The following WDPCP variants were observed in gnomAD, a reference collection of about 807,000 sequenced individuals.
WDPCP encodes WD repeat containing planar cell polarity effector, also known as WD repeat-containing and planar cell polarity effector protein fritz homolog.
A neutral mutation model predicts 93.1 loss-of-function variants in WDPCP; 71 were observed. That is an observed-to-expected ratio of 0.76 (90% confidence interval 0.63 to 0.93). WDPCP has a LOEUF of 0.93. WDPCP is among the 40% of genes least tolerant of loss of function. The pLI is 0.00. For missense variants in WDPCP, 844 were observed against 887.4 expected, an observed-to-expected ratio of 0.95 and a Z score of 0.62; for synonymous variants, 315 against 315.0, an observed-to-expected ratio of 1.00 and a Z score of 0.00.
In WDPCP at chr2:63,127,909, C is replaced by T. The variant is rs190512005; in HGVS notation, c.2191-5853G>A. 9.8e-4 allele frequency among the ~76,000 whole-genome samples: 149 copies of T among 151,936 alleles called. 3 individuals are homozygous for T. In the East Asian group the frequency reaches 0.017, roughly 18 times the overall value. ...AATCCCAGCACTTGGGAGGTCAAGG[C>T]GGCTGGATCACTTCAGGTCAGAAGT... On this transcript the variant is annotated intron_variant, in intron 17 of 17. Transcript: ENST00000272321.
At chr2:63,544,722 T>C (rs953619470) in intron 1 of WDPCP, among the ~76,000 whole-genome samples, 1 of 152,132 alleles carries the variant, frequency 6.6e-6, no homozygotes, top group South Asian at 2.1e-4. Context: ...TTAAAAGCTG[T>C]ATATAAGGAA....
chr2:63,242,157 T>C (rs1158394450), intron 14 of WDPCP, among the ~76,000 whole-genome samples: 2 of 152,206 alleles, frequency 1.3e-5, no homozygotes, highest in Non-Finnish European at 2.9e-5. Context: ...TCTCTAATGT[T>C]ACCCATTTAA....
At chr2:63,834,335 C>T in the WDPCP span, among the ~76,000 whole-genome samples, 71 of 152,318 alleles carry the variant, frequency 4.7e-4, no homozygotes, top group Non-Finnish European at 2.4e-4. Flanking sequence ...AAGTTGCTGA[C>T]CTCTTAACAT....
chr2:63,131,218 G>A (rs764743394), intron 17 of WDPCP, among the ~76,000 whole-genome samples: 1 of 152,048 alleles, frequency 6.6e-6, no homozygotes, highest in Non-Finnish European at 1.5e-5. Context: ...ACTATTGCTG[G>A]TTTGTCACCT....
intron 14 of WDPCP, among the ~76,000 whole-genome samples, chr2:63,236,768 C>T (rs1320909275): frequency 6.6e-6 from 1 of 152,088 alleles, no homozygotes; most frequent in Non-Finnish European, 1.5e-5. Context: ...GGAAAATAGG[C>T]TAGCCATATG....
At chr2:63,391,539 G>C (rs1476842287) in intron 10 of WDPCP, among the ~76,000 whole-genome samples, 1 of 152,064 alleles carries the variant, frequency 6.6e-6, no homozygotes, top group Non-Finnish European at 1.5e-5. Context: ...TTCTGGCTAG[G>C]GCAATCAGGC....
intron 3 of WDPCP, among the ~76,000 whole-genome samples, chr2:63,614,226 C>T (rs905899091): frequency 1.3e-5 from 2 of 152,146 alleles, no homozygotes; most frequent in African/African-American, 4.8e-5. Context: ...ATTTTTAAAC[C>T]TCAACCATCT....
chr2:63,219,262 T>C (rs1176654646), intron 14 of WDPCP, among the ~76,000 whole-genome samples: 1 of 152,168 alleles, frequency 6.6e-6, no homozygotes, highest in Non-Finnish European at 1.5e-5. Flanking sequence ...TGAATGACAG[T>C]TTACAATTTA....
At position 63,562,239 on chromosome 2, in the gene WDPCP, A is replaced by C. The variant is rs141649598; in HGVS notation, c.75+25958T>G. Among the ~76,000 whole-genome samples the C allele has an allele frequency of 3.1e-3, 470 of 152,326 alleles. 4 individuals are homozygous for C. The highest frequency in any genetic ancestry group is 0.01 in the African/African-American group (436 of 41,572). ...TTGCAGGGACATGGATGAAGCCAGA[A>C]GCCATTATCCTCAGCAAACTAACAC... On this transcript the variant is annotated intron_variant, in intron 1 of 17. Transcript: ENST00000272321.
chr2:63,195,880 T>G (rs550899743), intron 14 of WDPCP, among the ~76,000 whole-genome samples: 1 of 152,276 alleles, frequency 6.6e-6, no homozygotes, highest in South Asian at 2.1e-4. Context: ...TTAACAAATA[T>G]AAAGATTGAA....
chr2:63,473,892 A>T (rs979286788), intron 6 of WDPCP, among the ~76,000 whole-genome samples: 1 of 152,172 alleles, frequency 6.6e-6, no homozygotes, highest in African/African-American at 2.4e-5. Flanking sequence ...GAAAAACAGT[A>T]TGATATACAG....
chr2:63,578,332 T>G (rs1316071779), intron 1 of WDPCP, among the ~76,000 whole-genome samples: 1 of 152,184 alleles, frequency 6.6e-6, no homozygotes, highest in African/African-American at 2.4e-5. Flanking sequence ...TTAGCTTATA[T>G]TACCTACAGA....
At chr2:63,376,548 T>C (rs1430165527) in intron 12 of WDPCP, among the ~76,000 whole-genome samples, 1 of 151,924 alleles carries the variant, frequency 6.6e-6, no homozygotes, top group Non-Finnish European at 1.5e-5. Context: ...ACACAAAGAA[T>C]AGGCTTCCAA....
intron 14 of WDPCP, among the ~76,000 whole-genome samples, chr2:63,178,602 T>A (rs1389971159): frequency 1.3e-5 from 2 of 152,264 alleles, no homozygotes; most frequent in Non-Finnish European, 2.9e-5. Flanking sequence ...CTCTTTTTTT[T>A]AATTAGTATA....
chr2:63,748,935 C>G (rs544511963), intron 2 of WDPCP, among the ~76,000 whole-genome samples: 40 of 152,142 alleles, frequency 2.6e-4, no homozygotes, highest in Non-Finnish European at 4.4e-4. Flanking sequence ...CTGGGGTGCT[C>G]TAATTTAAAT....
chr2:63,126,178 C>T (rs1032731101), intron 17 of WDPCP, among the ~76,000 whole-genome samples: 8 of 152,038 alleles, frequency 5.3e-5, no homozygotes, highest in Non-Finnish European at 2.9e-5. Context: ...AAGTGATCCG[C>T]CTGCCTTGAC....
At chr2:63,428,185 C>CAA (rs34685763) in intron 9 of WDPCP, among the ~76,000 whole-genome samples, 1 of 139,784 alleles carries the variant, frequency 7.2e-6, no homozygotes, top group Non-Finnish European at 1.6e-5. Flanking sequence ...GAAACTATTC[C>CAA]AAAAAAAAAA....
At chr2:63,594,836 C>T (rs184879299) in intron 3 of WDPCP, 2 of 365,054 alleles carry the variant, frequency 5.5e-6, no homozygotes, top group African/African-American at 2.1e-5. Context: ...CAGCAGGTGT[C>T]AGTCAATGGG....
At chr2:63,283,139 C>T (rs1186708911) in intron 13 of WDPCP, among the ~76,000 whole-genome samples, 1 of 152,124 alleles carries the variant, frequency 6.6e-6, no homozygotes, top group Non-Finnish European at 1.5e-5. Flanking sequence ...AACATGATTT[C>T]AAGTCACTTT....
Sources: allele counts gnomAD v4.1 joint callset (sites outside exome capture counted in the v4.1 genomes callset), GRCh38; gene constraint gnomAD v4.1.1; transcripts MANE v1.5; gene names NCBI Gene and HGNC (gene_info 2026-07-23, HGNC 2026-07-21).